MAD1L1: variants seen among roughly 807,000 people sequenced by gnomAD.
MAD1L1 encodes the protein mitotic arrest deficient 1 like 1, also known as mitotic spindle assembly checkpoint protein MAD1.
MAD1L1 carries 95 observed loss-of-function variants against 96.9 expected under a neutral mutation model. The ratio of observed to expected loss-of-function variants is 0.98; its 90% CI spans 0.83 to 1.16. MAD1L1 has a LOEUF of 1.16. Ranked by LOEUF, MAD1L1 falls within the 50% of genes most tolerant of loss-of-function variation. MAD1L1 has a pLI of 0.00. For missense variants in MAD1L1, 1,007 were observed against 954.4 expected, an observed-to-expected ratio of 1.06 and a Z score of -0.73; for synonymous variants, 473 against 396.6, an observed-to-expected ratio of 1.19 and a Z score of -2.29.
At chr7:1,922,848 G>C (rs1287843612) in intron 17 of MAD1L1, among the ~76,000 whole-genome samples, 1 of 152,246 alleles carries the variant, frequency 6.6e-6, no homozygotes, top group East Asian at 1.9e-4. Context: ...CTCGCTGACT[G>C]CATTTGTGCA....
At chr7:2,104,819 TCCCACGCCAGG>T (rs1787004030) in intron 11 of MAD1L1, among the ~76,000 whole-genome samples, 1 of 152,162 alleles carries the variant, frequency 6.6e-6, no homozygotes, top group Non-Finnish European at 1.5e-5. Context: ...TCACTGCAGC[TCCCACGCCAGG>T]CCGTGCACAG....
At chr7:2,219,302 C>T in intron 6 of MAD1L1, 30 bp downstream of exon 6, 3 of 1,538,030 alleles carry the variant, frequency 2.0e-6, no homozygotes, top group South Asian at 1.2e-5. Flanking sequence ...CGTGACCCGA[C>T]CCCCGACCCC....
intron 18 of MAD1L1, chr7:1,854,442 G>C (rs1368968124): frequency 2.2e-6 from 1 of 449,360 alleles, no homozygotes; most frequent in Non-Finnish European, 4.5e-6. Flanking sequence ...CACAGGCCTG[G>C]AGGCCACAAG....
intron 4 of MAD1L1, 64 bp from the exon 5 acceptor site, chr7:2,222,818 AC>A: frequency 1.6e-6 from 2 of 1,284,610 alleles, no homozygotes; most frequent in Non-Finnish European, 2.1e-6. Flanking sequence ...GGGAGCCCTC[AC>A]CCCCACACCT....
At chr7:2,164,838 A>G (rs1639898) in intron 10 of MAD1L1, among the ~76,000 whole-genome samples, 139,802 of 152,168 alleles carry the variant, frequency 0.92, 64,279 homozygotes, top group East Asian at 0.98. Context: ...GTGGCTCGCT[A>G]AGGAGGCCGA....
chr7:1,997,137 G>A (rs1266950017), intron 14 of MAD1L1, among the ~76,000 whole-genome samples: 2 of 152,204 alleles, frequency 1.3e-5, no homozygotes, highest in African/African-American at 4.8e-5. Context: ...TTAATAATAA[G>A]AAAGTCAGAG....
rs114606645 is a variant in MAD1L1, at chr7:1,847,034, C to G, written c.1999-30806G>C. On this transcript the variant is annotated intron_variant, in intron 18 of 18. Coordinates refer to ENST00000265854, the MANE Select transcript of MAD1L1 (RefSeq NM_001013836.2). ...ACAAAGAGACATTTCAAAACATGTT[C>G]TGCAGCTGATTTGCTCCTTGGCCCC... 2.9e-3 allele frequency: 981 copies of G among 341,242 alleles called. 10 individuals carry two copies. Among genetic ancestry groups the G allele is most frequent in the African/African-American group, 0.02 (918 of 46,462 alleles). 21.1% of individuals were successfully genotyped at this position (341,242 alleles called of 1,614,324 possible). A position where few individuals can be genotyped will look rare whatever the true frequency, so the allele number is the denominator to read the frequency against.
At chr7:2,058,698 T>C (rs1315193658) in intron 12 of MAD1L1, among the ~76,000 whole-genome samples, 3 of 101,814 alleles carry the variant, frequency 2.9e-5, no homozygotes, top group East Asian at 6.0e-4. Context: ...GGAGAGGGAG[T>C]GTGGCCAGGG....
intron 11 of MAD1L1, among the ~76,000 whole-genome samples, chr7:2,093,572 C>T (rs116697601): frequency 0.011 from 1,640 of 152,320 alleles, 24 homozygotes; most frequent in African/African-American, 0.038. Flanking sequence ...TGTAATCAGA[C>T]TCAGAAAGGA....
intron 12 of MAD1L1, among the ~76,000 whole-genome samples, chr7:2,065,428 T>C (rs1784838480): frequency 6.6e-6 from 1 of 152,178 alleles, no homozygotes; most frequent in South Asian, 2.1e-4. Context: ...TCATCAGGAA[T>C]GTTTGTGGAC....
intron 11 of MAD1L1, among the ~76,000 whole-genome samples, chr7:2,074,268 C>T (rs1785275443): frequency 6.6e-6 from 1 of 152,172 alleles, no homozygotes; most frequent in Non-Finnish European, 1.5e-5. Context: ...AGCAGAGAAT[C>T]TCACGGCGGG....
intron 18 of MAD1L1, among the ~76,000 whole-genome samples, chr7:1,881,703 A>G (rs954431743): frequency 6.6e-6 from 1 of 152,244 alleles, no homozygotes; most frequent in Non-Finnish European, 1.5e-5. Context: ...AGCAGGAAAC[A>G]AAACGATCTG....
intron 11 of MAD1L1, among the ~76,000 whole-genome samples, chr7:2,092,037 C>T (rs1786242223): frequency 2.6e-5 from 4 of 152,154 alleles, no homozygotes; most frequent in South Asian, 2.1e-4. Context: ...ACGATAAGAC[C>T]GTGTTTGGCT....
intron 18 of MAD1L1, among the ~76,000 whole-genome samples, chr7:1,889,073 T>C (rs949614860): frequency 6.6e-6 from 1 of 152,206 alleles, no homozygotes; most frequent in Non-Finnish European, 1.5e-5. Context: ...GGCACTTGCA[T>C]ACATACTGGC....
chr7:1,909,635 G>A (rs1393641250), intron 17 of MAD1L1, among the ~76,000 whole-genome samples: 2 of 152,166 alleles, frequency 1.3e-5, no homozygotes, highest in Non-Finnish European at 2.9e-5. Context: ...CATCCCAGGG[G>A]CTGCCGGCCC....
At chr7:1,960,306 A>G (rs903138292) in intron 15 of MAD1L1, among the ~76,000 whole-genome samples, 1 of 152,294 alleles carries the variant, frequency 6.6e-6, no homozygotes, top group African/African-American at 2.4e-5. Context: ...AAAACAGTCA[A>G]ATGACAAGAT....
intron 11 of MAD1L1, among the ~76,000 whole-genome samples, chr7:2,108,665 G>T (rs1264044009): frequency 6.6e-6 from 1 of 152,218 alleles, no homozygotes; most frequent in Admixed American, 6.5e-5. Flanking sequence ...GCTTTTCACA[G>T]GGAGCCAGGG....
chr7:2,209,403 C>T (rs529212444), intron 10 of MAD1L1, among the ~76,000 whole-genome samples: 25 of 152,314 alleles, frequency 1.6e-4, no homozygotes, highest in East Asian at 5.8e-4. Context: ...CTGACCTCAA[C>T]GCCAGGAGCT....
chr7:1,827,758 C>T, intron 18 of MAD1L1, among the ~76,000 whole-genome samples: 1 of 129,612 alleles, frequency 7.7e-6, no homozygotes, highest in South Asian at 2.6e-4. Context: ...CCCTCCTGAG[C>T]CCGTCCCGGG....
Sources: gnomAD v4.1 joint callset for allele counts (sites outside exome capture counted in the v4.1 genomes callset) on GRCh38, gnomAD v4.1.1 for gene constraint, MANE v1.5 for transcripts, NCBI Gene and HGNC (gene_info 2026-07-23, HGNC 2026-07-21) for gene names.